CTC1: variants seen among roughly 807,000 people sequenced by gnomAD.
CTC1 encodes CST complex subunit CTC1.
Under a neutral mutation model 136.3 loss-of-function variants are expected in CTC1, and 91 were observed. That is an observed-to-expected ratio of 0.67 (90% CI 0.56 to 0.79). The LOEUF (loss-of-function observed/expected upper bound fraction) is 0.79. Among genes scored for constraint, CTC1 ranks in the 30% least tolerant of loss-of-function variants. CTC1 has a pLI of 0.00. For missense variants in CTC1, 1,432 were observed against 1,498.1 expected, an observed-to-expected ratio of 0.96 and a Z score of 0.73; for synonymous variants, 606 against 613.8, an observed-to-expected ratio of 0.99 and a Z score of 0.19.
In CTC1 at chr17:8,235,377, G is replaced by A. The variant is rs1020780352; in HGVS notation, c.1207-92C>T. The A allele has an allele frequency of 4.2e-6, 4 of 946,828 alleles. No homozygotes were observed. The Admixed American group carries it at 9.1e-5, about 22-fold the overall frequency. 58.7% of individuals were successfully genotyped at this position (946,828 alleles called of 1,614,324 possible). A position where few individuals can be genotyped will look rare whatever the true frequency, so the allele number is the denominator to read the frequency against. On this transcript the variant is annotated intron_variant, in intron 7 of 22. Coordinates refer to ENST00000651323, the MANE Select transcript of CTC1 (RefSeq NM_025099.6). ...TTAACCGCACTTTGCCACTGCCTGG[G>A]TTCCAGGAAGACGGAAAGCAATTTC...
intron 1 of CTC1, among the ~76,000 whole-genome samples, chr17:8,245,166 G>A (rs1049159194): frequency 5.9e-5 from 9 of 152,126 alleles, no homozygotes; most frequent in Admixed American, 3.9e-4. Flanking sequence ...GGAAGAGAGA[G>A]ATTGGAAAAA....
rs767163164 is a variant in CTC1, at chr17:8,247,974, A to G, written c.33+30T>C. 73 of 1,603,264 alleles carry G rather than the reference A, an allele frequency of 4.6e-5. No homozygotes were observed. The South Asian group carries it at 7.9e-4, about 17-fold the overall frequency. On this transcript the variant is annotated intron_variant, in intron 1 of 22. Transcript: ENST00000651323. ...GAGTATCTGTGACAAACAAGAAAAA[A>G]GGAACAAGAGACGTAATAGCAGCAC...
rs534594967 is a variant in CTC1, at chr17:8,227,032, G to A, written c.*1148C>T. The A allele has an allele frequency of 1.3e-4, 20 of 151,882 alleles. No individual in the cohort carries two copies. The highest frequency in any genetic ancestry group is 3.7e-4 in the African/African-American group (15 of 40,760). 9.4% of individuals were successfully genotyped at this position (151,882 alleles called of 1,614,324 possible). A position where few individuals can be genotyped will look rare whatever the true frequency, so the allele number is the denominator to read the frequency against. Reference sequence around the variant, plus strand: ...CGAACCCGCGACCTTGGCGTTATTAGCACCACGCTCTAACCAACTGAGCTA... The same window carrying A: ...CGAACCCGCGACCTTGGCGTTATTAACACCACGCTCTAACCAACTGAGCTA... On this transcript the variant is annotated 3_prime_UTR_variant, in exon 23 of 23. Transcript: ENST00000651323.
In CTC1 at chr17:8,238,138, C is replaced by T. The variant is rs1180494470; in HGVS notation, c.540G>A (p.Glu180=). 6.2e-7 allele frequency: 1 copy of T among 1,614,154 alleles called. No individual in the cohort carries two copies. Among genetic ancestry groups the T allele is most frequent in the South Asian group, 1.1e-5 (1 of 91,086 alleles). ...RWNSSGEGHL[E]LWDAPVPVFP... Reference sequence around the variant, plus strand: ...ACACTGGCACAGGGGCATCCCACAGCTCCAAGTGCCCTTCCCCTGAGGAAT... The same window carrying T: ...ACACTGGCACAGGGGCATCCCACAGTTCCAAGTGCCCTTCCCCTGAGGAAT... The change falls in exon 4 of 23, where the codon GAG becomes GAA. Residue 180 remains glutamate (E), a synonymous_variant. Coordinates refer to ENST00000651323, the MANE Select transcript of CTC1 (RefSeq NM_025099.6).
rs2151523854 is a variant in CTC1 at position 8,236,264 on chromosome 17, T to G, written c.871A>C (p.Ile291Leu). The G allele has an allele frequency of 1.2e-6, 2 of 1,613,972 alleles. No homozygotes were observed. The highest frequency in any genetic ancestry group is 2.7e-5 in the African/African-American group (2 of 75,030). Residue 291 changes from isoleucine to leucine, a missense_variant, in exon 6 of 23, where the codon ATC becomes CTC. Coordinates refer to ENST00000651323, the MANE Select transcript of CTC1 (RefSeq NM_025099.6). ...YVLTELRVSKIRGQRQHVWMT... is the reference protein window; with the variant it reads ...YVLTELRVSKLRGQRQHVWMT... ...CAAACATGCTGGCGCTGACCACGGA[T>G]CTTGGACACTCGCAGTTCTGTCAGC...
chr17:8,240,096 T>G (rs1988082738), intron 2 of CTC1, among the ~76,000 whole-genome samples: 2 of 151,986 alleles, frequency 1.3e-5, no homozygotes, highest in Non-Finnish European at 2.9e-5. Context: ...TCCATGTTCT[T>G]TCTCTGTGTT....
intron 17 of CTC1, 128 bp downstream of exon 17, chr17:8,230,166 A>G: frequency 9.3e-7 from 1 of 1,071,552 alleles, no homozygotes; most frequent in Non-Finnish European, 1.3e-6. Context: ...CTGGGCACAA[A>G]TGGCAGACTG....
chr17:8,233,625 T>G (rs1987434468), intron 10 of CTC1, among the ~76,000 whole-genome samples: 1 of 151,928 alleles, frequency 6.6e-6, no homozygotes, highest in Admixed American at 6.6e-5. Flanking sequence ...AAAAATTAGC[T>G]GGATGTGGTG....
rs1206095374 is a variant in CTC1, at chr17:8,228,250, C to A, written c.3584G>T (p.Arg1195Leu). The change falls in exon 23 of 23, where the codon CGA becomes CTA. Residue 1195 changes from arginine (R) to leucine (L), a missense_variant. Transcript: ENST00000651323. ...CTCTCGGATAGAAAGGCAGGACAAT[C>A]GGAGCCTGGGGTTCACGTGAGTCAG... The part of the protein sequence containing the change: ...PFLTHVNPRL[R>L]LSCLSIRESE... The A allele has an allele frequency of 6.2e-7, 1 of 1,614,064 alleles. No homozygotes were observed. The highest frequency in any genetic ancestry group is 8.5e-7 in the Non-Finnish European group (1 of 1,179,986).
chr17:8,229,064 T>C (rs1986980885), intron 20 of CTC1, 78 bp downstream of exon 20: 1 of 1,515,744 alleles, frequency 6.6e-7, no homozygotes, highest in Non-Finnish European at 9.1e-7. Flanking sequence ...CCAGGAATTA[T>C]GCTAATGTAG....
rs765714369 is a variant in CTC1 at position 8,228,903 on chromosome 17, C to T, written c.3222-11G>A. The stretch of plus-strand genomic sequence containing the variant: ...TCCTCCACCAGGAGCCTATGGGGAG[C>T]AGGAGGAAATAAAAACGCCTATAGC... On this transcript the variant is annotated splice_polypyrimidine_tract_variant and intron_variant, in intron 20 of 22. Coordinates refer to ENST00000651323, the MANE Select transcript of CTC1 (RefSeq NM_025099.6). The T allele has an allele frequency of 6.3e-7, 1 of 1,598,944 alleles. No individual in the cohort carries two copies. Among genetic ancestry groups the T allele is most frequent in the Non-Finnish European group, 8.5e-7 (1 of 1,175,054 alleles).
chr17:8,231,227 G>T (rs1421099669), intron 15 of CTC1, 49 bp downstream of exon 15: 1 of 1,424,108 alleles, frequency 7.0e-7, no homozygotes, highest in Middle Eastern at 1.9e-4. Context: ...GCTAGCTTGG[G>T]AGAAGAGAGA....
chr17:8,228,064 C>A lies in CTC1; in HGVS notation c.*116G>T. On this transcript the variant is annotated 3_prime_UTR_variant, in exon 23 of 23. Coordinates refer to ENST00000651323, the MANE Select transcript of CTC1 (RefSeq NM_025099.6). ...AAGAAGGGAAATTATAGTGGAGTAG[C>A]AGTTTGTGAATCTGGAGTCCTTGGT... 1 of 1,025,194 alleles carries A rather than the reference C, an allele frequency of 9.8e-7. No individual in the cohort carries two copies. The highest frequency in any genetic ancestry group is 1.5e-6 in the Non-Finnish European group (1 of 688,274). 63.5% of individuals were successfully genotyped at this position (1,025,194 alleles called of 1,614,324 possible). A position where few individuals can be genotyped will look rare whatever the true frequency, so the allele number is the denominator to read the frequency against.
At position 8,243,107 on chromosome 17, in the gene CTC1, C is replaced by G. The variant is rs919875082; in HGVS notation, c.75G>C (p.Lys25Asn). Residue 25 changes from lysine (K) to asparagine (N), a missense_variant, in exon 2 of 23, where the codon AAG becomes AAC. Transcript: ENST00000651323. ...GCTCCTTGACAGCTGGACACAGGGT[C>G]TTTTGGATGAAGACCTGAGCATCCT... ...WLEDAQVFIQ[K>N]TLCPAVKEPN... is the part of the protein sequence containing the mutation. 1 of 1,613,862 alleles carries G rather than the reference C, an allele frequency of 6.2e-7. No individual in the cohort carries two copies. The highest frequency in any genetic ancestry group is 1.3e-5 in the African/African-American group (1 of 74,888).
intron 2 of CTC1, among the ~76,000 whole-genome samples, chr17:8,240,818 G>A (rs1428860744): frequency 6.6e-6 from 1 of 152,130 alleles, no homozygotes; most frequent in East Asian, 1.9e-4. Flanking sequence ...GGAGGTTGCA[G>A]TGAGCAGAGA....
At chr17:8,243,473 C>T (rs989498084) in intron 1 of CTC1, among the ~76,000 whole-genome samples, 37 of 149,764 alleles carry the variant, frequency 2.5e-4, no homozygotes, top group African/African-American at 8.9e-4. Flanking sequence ...GAGCCAAGAT[C>T]GAGCCATTGC....
At chr17:8,237,038 GT>G (rs59734806) in intron 5 of CTC1, among the ~76,000 whole-genome samples, 150 of 142,902 alleles carry the variant, frequency 1.0e-3, no homozygotes, top group Middle Eastern at 3.5e-3. Context: ...TAAGTACCAA[GT>G]TTTTTTTTTT....
chr17:8,229,771 C>A, intron 18 of CTC1, 120 bp downstream of exon 18: 1 of 806,274 alleles, frequency 1.2e-6, no homozygotes, highest in East Asian at 2.6e-5. Context: ...TCCTCTGACT[C>A]AACACATCTT....
chr17:8,231,230 AAGAG>A (rs747654176), intron 15 of CTC1, 42 bp downstream of exon 15: 2 of 1,438,570 alleles, frequency 1.4e-6, no homozygotes, highest in South Asian at 2.9e-5. Context: ...AGCTTGGGAG[AAGAG>A]AGAGTGGCCA....
Sources: allele counts gnomAD v4.1 joint callset (sites outside exome capture counted in the v4.1 genomes callset), GRCh38; gene constraint gnomAD v4.1.1; transcripts MANE v1.5; gene names NCBI Gene and HGNC (gene_info 2026-07-23, HGNC 2026-07-21).